GALNT2: variants seen among roughly 807,000 people sequenced by gnomAD.
GALNT2 encodes the protein polypeptide N-acetylgalactosaminyltransferase 2, also known as UDP-GalNAc:polypeptide N-acetylgalactosaminyltransferase 2.
GALNT2 carries 31 observed loss-of-function variants against 81.4 expected under a neutral mutation model. The observed-to-expected ratio is 0.38, with a 90% CI of 0.29 to 0.51. GALNT2 has a LOEUF of 0.51. Ranked by LOEUF, GALNT2 falls within the 20% of genes least tolerant of loss-of-function variation. The pLI, the probability that GALNT2 is intolerant of heterozygous loss-of-function variation, is 0.87. For missense variants in GALNT2, 629 were observed against 765.7 expected (o/e 0.82, Z 2.11); for synonymous variants, 303 against 287.4 (o/e 1.05, Z -0.55).
chr1:230,095,868 G>C (rs924905416), intron 1 of GALNT2, among the ~76,000 whole-genome samples: 1 of 152,246 alleles, frequency 6.6e-6, no homozygotes, highest in African/African-American at 2.4e-5. Context: ...GGTGAGACAT[G>C]TTGGAGGGGA....
intron 1 of GALNT2, chr1:230,092,176 G>GTTTTTTTTTTTTTT (rs1553311874): frequency 3.3e-4 from 14 of 42,224 alleles, no homozygotes; most frequent in Admixed American, 9.7e-4. Context: ...TATTCCTTTA[G>GTTTTTTTTTTTTTT]TTTTTTTTTT....
intron 1 of GALNT2, among the ~76,000 whole-genome samples, chr1:230,142,003 G>A (rs1194137403): frequency 6.6e-6 from 1 of 151,946 alleles, no homozygotes; most frequent in African/African-American, 2.4e-5. Context: ...GTGTTGCCCA[G>A]GCTGGTCTTG....
chr1:230,246,347 G>A (rs73114077), intron 8 of GALNT2, among the ~76,000 whole-genome samples, 197 bp downstream of exon 8: 3,241 of 152,282 alleles, frequency 0.021, 104 homozygotes, highest in African/African-American at 0.072. Context: ...CCCTTAAAGA[G>A]CTTCCTGGGT....
At chr1:230,116,760 C>T (rs556568180) in intron 1 of GALNT2, among the ~76,000 whole-genome samples, 11 of 152,200 alleles carry the variant, frequency 7.2e-5, no homozygotes, top group Non-Finnish European at 1.3e-4. Flanking sequence ...TTCAGTAAAC[C>T]GTGCTGTAAA....
chr1:230,080,216 A>C (rs578175212), intron 1 of GALNT2, among the ~76,000 whole-genome samples: 105 of 152,302 alleles, frequency 6.9e-4, no homozygotes, highest in African/African-American at 2.3e-3. Context: ...CAAAGCGCCG[A>C]CATCATTATC....
intron 13 of GALNT2, 188 bp from the exon 14 acceptor site, chr1:230,265,053 T>G: frequency 1.6e-6 from 1 of 631,086 alleles, no homozygotes; most frequent in Non-Finnish European, 2.8e-6. Context: ...GTGTTGGAAG[T>G]CCAGAGCCTG....
At chr1:230,196,715 T>C (rs1049662686) in intron 2 of GALNT2, among the ~76,000 whole-genome samples, 1 of 152,038 alleles carries the variant, frequency 6.6e-6, no homozygotes, top group Non-Finnish European at 1.5e-5. Context: ...CTTCTCCTCA[T>C]CCCATCCCCA....
chr1:230,265,534 G>A (rs1316072441), intron 14 of GALNT2, among the ~76,000 whole-genome samples, 167 bp downstream of exon 14: 2 of 152,164 alleles, frequency 1.3e-5, no homozygotes, highest in East Asian at 1.9e-4. Flanking sequence ...CCAGCACCAG[G>A]GCCAGATAGA....
chr1:230,110,448 C>T (rs1660667598), intron 1 of GALNT2, among the ~76,000 whole-genome samples: 1 of 152,114 alleles, frequency 6.6e-6, no homozygotes, highest in Non-Finnish European at 1.5e-5. Context: ...CAAGCATGGC[C>T]GCTTGGGGTT....
chr1:230,141,824 G>A (rs773799161), intron 1 of GALNT2, among the ~76,000 whole-genome samples: 314 of 121,050 alleles, frequency 2.6e-3, no homozygotes, highest in Admixed American at 4.2e-3. Context: ...ACAGGGTCTC[G>A]CTCTATTGTC....
chr1:230,057,899 A>T (rs143308400), upstream of GALNT2: 183 of 376,628 alleles, frequency 4.9e-4, no homozygotes, highest in South Asian at 3.4e-3. Context: ...GGGAAGGGGC[A>T]TTGCTGGGGT....
chr1:230,124,332 G>A (rs1235241146), intron 1 of GALNT2, among the ~76,000 whole-genome samples: 1 of 152,178 alleles, frequency 6.6e-6, no homozygotes, highest in Non-Finnish European at 1.5e-5. Context: ...GCAAAACATT[G>A]CTGCAAGAGC....
intron 1 of GALNT2, among the ~76,000 whole-genome samples, chr1:230,115,618 G>A (rs535451053): frequency 1.3e-5 from 2 of 152,284 alleles, no homozygotes; most frequent in East Asian, 3.9e-4. Flanking sequence ...GATGACGGTG[G>A]TGGTGGTTGA....
At chr1:230,058,238 G>A (rs777228015) in intron 1 of GALNT2, among the ~76,000 whole-genome samples, 4 of 152,178 alleles carry the variant, frequency 2.6e-5, no homozygotes, top group Non-Finnish European at 5.9e-5. Context: ...GGCTGGTGAA[G>A]CATCAGCAGA....
At chr1:230,204,771 C>T (rs1302544349) in intron 3 of GALNT2, among the ~76,000 whole-genome samples, 2 of 152,148 alleles carry the variant, frequency 1.3e-5, no homozygotes, top group Admixed American at 1.3e-4. Flanking sequence ...AAGTTAGAGT[C>T]ATTCATTCAT....
intron 1 of GALNT2, among the ~76,000 whole-genome samples, chr1:230,123,930 A>ACC (rs1661098110): frequency 6.6e-6 from 1 of 152,196 alleles, no homozygotes; most frequent in African/African-American, 2.4e-5. Context: ...TAAAAATGTG[A>ACC]AAACACCTGG....
intron 3 of GALNT2, among the ~76,000 whole-genome samples, chr1:230,233,395 A>G (rs1304912483): frequency 6.6e-6 from 1 of 152,202 alleles, no homozygotes; most frequent in African/African-American, 2.4e-5. Context: ...CAGGCAGATC[A>G]CGAGGTCAGG....
At chr1:230,066,960 T>C (rs1221624227), upstream of GALNT2, among the ~76,000 whole-genome samples, 1 of 149,706 alleles carries the variant, frequency 6.7e-6, no homozygotes, top group Non-Finnish European at 1.5e-5. Context: ...GCTGCAGCCA[T>C]GGAGACGCGG....
intron 14 of GALNT2, among the ~76,000 whole-genome samples, chr1:230,265,944 C>T (rs977543631): frequency 5.3e-5 from 8 of 152,240 alleles, no homozygotes; most frequent in Non-Finnish European, 8.8e-5. Flanking sequence ...GTAATCCCAA[C>T]ACTTTGGGAG....
Sources: gnomAD v4.1 joint callset for allele counts (sites outside exome capture counted in the v4.1 genomes callset) on GRCh38, gnomAD v4.1.1 for gene constraint, MANE v1.5 for transcripts, NCBI Gene and HGNC (gene_info 2026-07-23, HGNC 2026-07-21) for gene names.